SYN2: variants seen among roughly 807,000 people sequenced by gnomAD.
The protein encoded by SYN2 is synapsin II.
SYN2 carries 19 observed loss-of-function variants against 50.9 expected under a neutral mutation model. That is an observed-to-expected ratio of 0.37 (90% CI 0.26 to 0.55). The LOEUF (loss-of-function observed/expected upper bound fraction) is 0.55, where lower values mean the gene tolerates loss of function less well. Ranked by LOEUF, SYN2 falls within the 20% of genes least tolerant of loss-of-function variation. SYN2 has a pLI of 0.81. For missense variants in SYN2, 587 were observed against 576.4 expected (o/e 1.02, Z -0.19); for synonymous variants, 255 against 224.9 (o/e 1.13, Z -1.20).
At chr3:12,033,864 A>G (rs976691788) in intron 1 of SYN2, among the ~76,000 whole-genome samples, 2 of 152,178 alleles carry the variant, frequency 1.3e-5, no homozygotes, top group Non-Finnish European at 2.9e-5. Context: ...TTTTTATGGA[A>G]TTTTATTCCT....
At chr3:12,005,706 G>A (rs989837332) in intron 1 of SYN2, among the ~76,000 whole-genome samples, 18 of 151,924 alleles carry the variant, frequency 1.2e-4, no homozygotes, top group Non-Finnish European at 2.1e-4. Context: ...ATCATTAAAG[G>A]GGTACAAATA....
intron 1 of SYN2, among the ~76,000 whole-genome samples, chr3:12,024,912 G>A (rs1694221831): frequency 6.6e-6 from 1 of 152,218 alleles, no homozygotes; most frequent in Non-Finnish European, 1.5e-5. Context: ...GTATATGAGA[G>A]TTCCTCACCA....
At chr3:12,089,945 A>G (rs984283610) in intron 1 of SYN2, among the ~76,000 whole-genome samples, 1 of 152,138 alleles carries the variant, frequency 6.6e-6, no homozygotes, top group African/African-American at 2.4e-5. Flanking sequence ...GTAGTGCTTC[A>G]TTTTCTTATC....
At chr3:12,187,201 AG>A (rs1464432043) in intron 11 of SYN2, among the ~76,000 whole-genome samples, 167 bp from the exon 12 acceptor site, 11 of 152,324 alleles carry the variant, frequency 7.2e-5, no homozygotes, top group African/African-American at 2.4e-4. Flanking sequence ...GCTATATACA[AG>A]GATAGCTAAC....
At chr3:12,159,068 GAA>G (rs1369858854) in intron 5 of SYN2, 1 of 557,058 alleles carries the variant, frequency 1.8e-6, no homozygotes, top group African/African-American at 2.0e-5. Flanking sequence ...GGGAAGCCTG[GAA>G]GGAGGCCCTG....
intron 1 of SYN2, among the ~76,000 whole-genome samples, chr3:12,050,555 A>AAGC (rs1299792201): frequency 6.6e-6 from 1 of 150,982 alleles, no homozygotes; most frequent in Non-Finnish European, 1.5e-5. Context: ...CATATTGGCT[A>AAGC]GGCTGGTCTT....
intron 1 of SYN2, among the ~76,000 whole-genome samples, chr3:12,040,766 G>A (rs1694594332): frequency 6.6e-6 from 1 of 152,118 alleles, no homozygotes; most frequent in Non-Finnish European, 1.5e-5. Context: ...AAAGAAAGAT[G>A]GAAGGATAGT....
At chr3:12,050,340 A>ATT (rs397877649) in intron 1 of SYN2, among the ~76,000 whole-genome samples, 1,502 of 112,974 alleles carry the variant, frequency 0.013, 25 homozygotes, top group African/African-American at 0.041. Flanking sequence ...GTTTGGAATG[A>ATT]TTTTTTTTTT....
At chr3:12,009,927 T>C (rs777548986) in intron 1 of SYN2, among the ~76,000 whole-genome samples, 7 of 152,030 alleles carry the variant, frequency 4.6e-5, no homozygotes, top group South Asian at 2.1e-4. Flanking sequence ...AAACCCCGTC[T>C]CTACTAAAAT....
chr3:12,016,376 A>C (rs901153170), intron 1 of SYN2, among the ~76,000 whole-genome samples: 2 of 152,242 alleles, frequency 1.3e-5, no homozygotes, highest in African/African-American at 4.8e-5. Context: ...TCAAATAATT[A>C]TAGAATATAT....
Position 12,025,803 on chromosome 3 carries a change from G to T in SYN2, c.377+20875G>T, listed in dbSNP as rs111259094. 9.9e-3 allele frequency among the ~76,000 whole-genome samples: 1,502 copies of T among 152,006 alleles called. 8 individuals carry two copies. Among genetic ancestry groups the T allele is most frequent in the Non-Finnish European group, 0.015 (1,011 of 68,006 alleles). On this transcript the variant is annotated intron_variant, in intron 1 of 12. Transcript: ENST00000621198. Reference sequence around the variant, plus strand: ...CCCCCTACCCTGTGCCTTCTCTGCTGCCTCACTGAATCTCTTAGCAGCCAG... The same window carrying T: ...CCCCCTACCCTGTGCCTTCTCTGCTTCCTCACTGAATCTCTTAGCAGCCAG...
chr3:12,015,501 A>T (rs184222549), intron 1 of SYN2, among the ~76,000 whole-genome samples: 9 of 152,356 alleles, frequency 5.9e-5, no homozygotes, highest in Non-Finnish European at 1.3e-4. Context: ...GGTTCCCTGT[A>T]AATATAAACA....
At chr3:12,038,041 C>G (rs1177566927) in intron 1 of SYN2, among the ~76,000 whole-genome samples, 1 of 152,158 alleles carries the variant, frequency 6.6e-6, no homozygotes, top group Non-Finnish European at 1.5e-5. Flanking sequence ...AGTTTTATCT[C>G]TTACACTTAG....
chr3:12,007,986 C>G (rs1693832842), intron 1 of SYN2, among the ~76,000 whole-genome samples: 2 of 152,054 alleles, frequency 1.3e-5, no homozygotes, highest in Non-Finnish European at 2.9e-5. Flanking sequence ...CTTTATATAC[C>G]TTATTATTTA....
chr3:12,190,411 T>G, intron 12 of SYN2, 79 bp from the exon 13 acceptor site: 3 of 1,531,080 alleles, frequency 2.0e-6, no homozygotes, highest in Non-Finnish European at 2.7e-6. Flanking sequence ...GTTCTAGCTG[T>G]GTATCCTCAC....
chr3:12,186,984 T>C (rs1698353731), intron 11 of SYN2, among the ~76,000 whole-genome samples: 1 of 152,214 alleles, frequency 6.6e-6, no homozygotes, highest in Non-Finnish European at 1.5e-5. Context: ...GCATCTGCCA[T>C]GTGGAACTTG....
intron 1 of SYN2, among the ~76,000 whole-genome samples, chr3:12,119,481 A>G (rs1460693314): frequency 1.3e-5 from 2 of 152,174 alleles, no homozygotes; most frequent in African/African-American, 4.8e-5. Flanking sequence ...TAATAAGTGA[A>G]GAGAGAGGCT....
At chr3:12,018,525 TC>T (rs1404859859) in intron 1 of SYN2, among the ~76,000 whole-genome samples, 2 of 152,206 alleles carry the variant, frequency 1.3e-5, no homozygotes, top group African/African-American at 4.8e-5. Context: ...AGACTTGTTT[TC>T]CAAGGGCATT....
At chr3:12,006,782 A>T (rs910593414) in intron 1 of SYN2, among the ~76,000 whole-genome samples, 33 of 152,362 alleles carry the variant, frequency 2.2e-4, no homozygotes, top group African/African-American at 7.7e-4. Flanking sequence ...TTAAAAAGAA[A>T]TCTAGAATTA....
Sources: gnomAD v4.1 joint callset for allele counts (sites outside exome capture counted in the v4.1 genomes callset) on GRCh38, gnomAD v4.1.1 for gene constraint, MANE v1.5 for transcripts, NCBI Gene and HGNC (gene_info 2026-07-23, HGNC 2026-07-21) for gene names.